Variants in REEP3 observed in about 807,000 individuals in gnomAD.
REEP3 encodes receptor accessory protein 3.
REEP3 carries 20 observed loss-of-function variants against 41.3 expected under a neutral mutation model. The ratio of observed to expected loss-of-function variants is 0.48; its 90% CI spans 0.34 to 0.70. The LOEUF is 0.70. Ranked by LOEUF, REEP3 falls within the 30% of genes least tolerant of loss-of-function variation. The pLI is 0.01. For missense variants in REEP3, 271 were observed against 308.8 expected (o/e 0.88, Z 0.92); for synonymous variants, 104 against 101.8 (o/e 1.02, Z -0.13).
chr10:63,546,157 G>A (rs1955576876), intron 1 of REEP3, among the ~76,000 whole-genome samples: 1 of 152,206 alleles, frequency 6.6e-6, no homozygotes, highest in South Asian at 2.1e-4. Flanking sequence ...GTGGGAAGCT[G>A]TTGGAGGGTT....
chr10:63,605,073 C>T (rs1409303915), intron 5 of REEP3, among the ~76,000 whole-genome samples: 4 of 151,920 alleles, frequency 2.6e-5, no homozygotes, highest in Admixed American at 1.3e-4. Flanking sequence ...TTCCCCACAA[C>T]AAAAAATTAT....
At chr10:63,562,255 GTTT>G (rs562176985) in intron 1 of REEP3, among the ~76,000 whole-genome samples, 5 of 136,056 alleles carry the variant, frequency 3.7e-5, no homozygotes, top group Admixed American at 7.4e-5. Context: ...ATAAGGCAGA[GTTT>G]TTTTTTTTTT....
intron 2 of REEP3, among the ~76,000 whole-genome samples, chr10:63,575,115 A>G (rs1955887227): frequency 6.6e-6 from 1 of 152,014 alleles, no homozygotes; most frequent in African/African-American, 2.4e-5. Flanking sequence ...CGGCCTCCCA[A>G]AGTGCTGAGA....
chr10:63,553,958 T>C (rs573698142), intron 1 of REEP3, among the ~76,000 whole-genome samples: 4 of 151,954 alleles, frequency 2.6e-5, no homozygotes, highest in Non-Finnish European at 5.9e-5. Context: ...AAAAATTAGC[T>C]GGGCGTGGTG....
chr10:63,591,545 A>C (rs1459448689), intron 2 of REEP3, among the ~76,000 whole-genome samples: 1 of 152,246 alleles, frequency 6.6e-6, no homozygotes, highest in Non-Finnish European at 1.5e-5. Flanking sequence ...TATTGATTAG[A>C]TAGTTTGCTG....
chr10:63,569,448 G>A (rs539271248), intron 2 of REEP3, among the ~76,000 whole-genome samples: 110 of 148,078 alleles, frequency 7.4e-4, no homozygotes, highest in Middle Eastern at 3.5e-3. Context: ...TTGTGCTTAC[G>A]GTATTCTCCA....
chr10:63,543,894 A>G (rs1955553799), intron 1 of REEP3, among the ~76,000 whole-genome samples: 1 of 152,228 alleles, frequency 6.6e-6, no homozygotes, highest in Non-Finnish European at 1.5e-5. Flanking sequence ...TAATGTTCAC[A>G]GCAAGATGTG....
chr10:63,556,622 T>G (rs1489422374), intron 1 of REEP3, among the ~76,000 whole-genome samples: 3 of 82,138 alleles, frequency 3.7e-5, no homozygotes, highest in Non-Finnish European at 7.3e-5. Context: ...TTGTTTTTTT[T>G]TTTGTTGTTT....
At chr10:63,559,475 A>C (rs972154795) in intron 1 of REEP3, among the ~76,000 whole-genome samples, 1 of 152,206 alleles carries the variant, frequency 6.6e-6, no homozygotes, top group Non-Finnish European at 1.5e-5. Context: ...TAATATGTAT[A>C]GGTGTTACCC....
At chr10:63,573,919 T>A (rs1955875640) in intron 2 of REEP3, among the ~76,000 whole-genome samples, 1 of 152,204 alleles carries the variant, frequency 6.6e-6, no homozygotes, top group South Asian at 2.1e-4. Flanking sequence ...TTACTGAAAA[T>A]TAGTTTTGTC....
intron 1 of REEP3, among the ~76,000 whole-genome samples, chr10:63,527,712 A>G (rs1484395439): frequency 6.6e-6 from 1 of 152,046 alleles, no homozygotes; most frequent in Non-Finnish European, 1.5e-5. Flanking sequence ...TTTTTAAAAA[A>G]AGGATAGTCT....
intron 2 of REEP3, among the ~76,000 whole-genome samples, chr10:63,568,114 A>G (rs1184094885): frequency 3.4e-5 from 4 of 115,990 alleles, no homozygotes; most frequent in Non-Finnish European, 6.4e-5. Flanking sequence ...TTCATATTCT[A>G]ATATAAGTTG....
chr10:63,528,245 C>T (rs1318192914), intron 1 of REEP3, among the ~76,000 whole-genome samples: 2 of 152,202 alleles, frequency 1.3e-5, no homozygotes, highest in Non-Finnish European at 2.9e-5. Context: ...AAACTAGGCT[C>T]TTGAGCTTCC....
chr10:63,563,915 T>C (rs939552628), intron 1 of REEP3, among the ~76,000 whole-genome samples: 1 of 152,122 alleles, frequency 6.6e-6, no homozygotes, highest in Non-Finnish European at 1.5e-5. Context: ...TCGTACAACA[T>C]ACTTAACCAG....
intron 5 of REEP3, among the ~76,000 whole-genome samples, chr10:63,605,815 C>A (rs541649263): frequency 3.0e-4 from 45 of 152,248 alleles, no homozygotes; most frequent in African/African-American, 1.1e-3. Context: ...CTGTGTGGAG[C>A]CAGTGTGGGG....
intron 1 of REEP3, among the ~76,000 whole-genome samples, chr10:63,527,510 A>G (rs1254113619): frequency 6.6e-6 from 1 of 151,848 alleles, no homozygotes; most frequent in Non-Finnish European, 1.5e-5. Flanking sequence ...CATCTCTACA[A>G]AAAATACAAA....
chr10:63,549,457 G>T (rs1955608013), intron 1 of REEP3, among the ~76,000 whole-genome samples: 1 of 151,814 alleles, frequency 6.6e-6, no homozygotes. Flanking sequence ...CATCCTAGTT[G>T]TTCAGGAGGC....
chr10:63,548,023 G>A (rs1354927144), intron 1 of REEP3, among the ~76,000 whole-genome samples: 1 of 152,222 alleles, frequency 6.6e-6, no homozygotes, highest in Non-Finnish European at 1.5e-5. Flanking sequence ...CCTAAAGGTA[G>A]AGGCTGCCCT....
At chr10:63,603,479 G>A (rs893481593) in intron 5 of REEP3, among the ~76,000 whole-genome samples, 15 of 151,618 alleles carry the variant, frequency 9.9e-5, no homozygotes, top group Admixed American at 2.6e-4. Context: ...TAATTTATAC[G>A]TTTAACACCT....
Sources: allele counts gnomAD v4.1 joint callset (sites outside exome capture counted in the v4.1 genomes callset), GRCh38; gene constraint gnomAD v4.1.1; transcripts MANE v1.5; gene names NCBI Gene and HGNC (gene_info 2026-07-23, HGNC 2026-07-21).